Variants in ERP44 observed in about 807,000 individuals in gnomAD.
ERP44 encodes the protein endoplasmic reticulum protein 44, also known as endoplasmic reticulum resident protein 44.
ERP44 carries 25 observed loss-of-function variants against 53.4 expected under a neutral mutation model. The observed-to-expected ratio is 0.47, with a 90% CI of 0.34 to 0.65. ERP44 has a LOEUF of 0.65. Among genes scored for constraint, ERP44 ranks in the 30% least tolerant of loss-of-function variants. The pLI is 0.01. For synonymous variants in ERP44, 145 were observed against 161.2 expected (o/e 0.90, Z 0.76); for missense variants, 338 against 493.2 (o/e 0.69, Z 2.98).
chr9:100,058,461 G>A (rs1235419638), intron 2 of ERP44, among the ~76,000 whole-genome samples: 1 of 152,206 alleles, frequency 6.6e-6, no homozygotes, highest in African/African-American at 2.4e-5. Flanking sequence ...AAAAAGTAAA[G>A]TGGAATGATC....
At chr9:100,040,348 G>A (rs544657373) in intron 4 of ERP44, among the ~76,000 whole-genome samples, 27 of 152,258 alleles carry the variant, frequency 1.8e-4, no homozygotes, top group African/African-American at 6.5e-4. Context: ...GGGATGTAAG[G>A]ATGATGGTTC....
chr9:100,006,773 A>G, intron 9 of ERP44, 126 bp from the exon 10 acceptor site: 1 of 604,224 alleles, frequency 1.7e-6, no homozygotes, highest in Non-Finnish European at 2.7e-6. Context: ...AGTAATATAG[A>G]TCAGAAAAAC....
At chr9:100,003,046 T>A (rs1361477651) in intron 10 of ERP44, among the ~76,000 whole-genome samples, 2 of 152,220 alleles carry the variant, frequency 1.3e-5, no homozygotes, top group African/African-American at 4.8e-5. Context: ...AGGTTTAAAT[T>A]CTTTCTTCTA....
At chr9:99,988,575 G>A (rs553948103) in intron 10 of ERP44, among the ~76,000 whole-genome samples, 4 of 152,270 alleles carry the variant, frequency 2.6e-5, no homozygotes, top group East Asian at 3.9e-4. Context: ...CAAGATGGCC[G>A]AATAGGAAGA....
At chr9:100,083,403 A>C (rs1181391019) in intron 1 of ERP44, among the ~76,000 whole-genome samples, 1 of 152,192 alleles carries the variant, frequency 6.6e-6, no homozygotes, top group Non-Finnish European at 1.5e-5. Flanking sequence ...AGCAAGGTGT[A>C]TATAAAATAG....
intron 8 of ERP44, among the ~76,000 whole-genome samples, chr9:100,014,955 A>G (rs758871843): frequency 9.2e-5 from 14 of 152,184 alleles, no homozygotes; most frequent in Non-Finnish European, 1.8e-4. Flanking sequence ...AGTTCTAGTG[A>G]GAGCTGTCTT....
At chr9:100,048,255 G>A (rs1266718829) in intron 4 of ERP44, among the ~76,000 whole-genome samples, 1 of 151,758 alleles carries the variant, frequency 6.6e-6, no homozygotes, top group East Asian at 1.9e-4. Flanking sequence ...ACACCAACAT[G>A]GCACATTTAT....
At chr9:100,067,317 A>C (rs1826223567) in intron 1 of ERP44, among the ~76,000 whole-genome samples, 1 of 152,166 alleles carries the variant, frequency 6.6e-6, no homozygotes, top group Non-Finnish European at 1.5e-5. Context: ...CAGCCTGCCC[A>C]GTGCCTGCGA....
At chr9:100,004,886 A>G (rs967650454) in intron 10 of ERP44, among the ~76,000 whole-genome samples, 1 of 152,008 alleles carries the variant, frequency 6.6e-6, no homozygotes, top group Non-Finnish European at 1.5e-5. Flanking sequence ...TTCATAATCA[A>G]CTCTTGACTA....
chr9:100,076,655 G>A (rs1564104265), intron 1 of ERP44, among the ~76,000 whole-genome samples: 2 of 152,344 alleles, frequency 1.3e-5, no homozygotes, highest in African/African-American at 4.8e-5. Flanking sequence ...AATGGGGATG[G>A]TCAGTGACTT....
intron 10 of ERP44, among the ~76,000 whole-genome samples, chr9:99,996,397 C>A (rs1830310149): frequency 6.6e-6 from 1 of 152,162 alleles, no homozygotes; most frequent in Admixed American, 6.5e-5. Context: ...AAGCCCTCAC[C>A]AGAAGCTACA....
chr9:100,079,319 A>T (rs559588044), intron 1 of ERP44, among the ~76,000 whole-genome samples: 1 of 151,770 alleles, frequency 6.6e-6, no homozygotes, highest in South Asian at 2.1e-4. Flanking sequence ...CAGCTTTCGC[A>T]CTCAGACTGG....
At chr9:100,041,035 G>A (rs1016427884) in intron 4 of ERP44, among the ~76,000 whole-genome samples, 3 of 152,066 alleles carry the variant, frequency 2.0e-5, no homozygotes. Context: ...CTATGTTTAT[G>A]GATTGGAAGA....
intron 10 of ERP44, among the ~76,000 whole-genome samples, chr9:100,001,074 A>T (rs763361535): frequency 2.0e-5 from 3 of 152,178 alleles, no homozygotes; most frequent in Non-Finnish European, 4.4e-5. Context: ...AAGATAATTT[A>T]AAATTTCCCT....
intron 3 of ERP44, among the ~76,000 whole-genome samples, chr9:100,053,762 C>A (rs567788603): frequency 9.2e-5 from 14 of 152,268 alleles, no homozygotes; most frequent in African/African-American, 3.4e-4. Context: ...GGGGAAGAAT[C>A]AGAATTAGCA....
At chr9:100,018,335 A>T in intron 6 of ERP44, 22 bp from the exon 7 acceptor site, 1 of 1,446,640 alleles carries the variant, frequency 6.9e-7, no homozygotes, top group East Asian at 2.3e-5. Context: ...GAGAAATAGT[A>T]ATAAACCTGA....
intron 4 of ERP44, among the ~76,000 whole-genome samples, chr9:100,033,962 A>C (rs1825824254): frequency 6.6e-6 from 1 of 152,196 alleles, no homozygotes; most frequent in South Asian, 2.1e-4. Flanking sequence ...CTTAGGATTA[A>C]GGGTTCCCTT....
intron 3 of ERP44, among the ~76,000 whole-genome samples, chr9:100,056,500 G>A (rs117641903): frequency 6.6e-6 from 1 of 152,314 alleles, no homozygotes; most frequent in East Asian, 1.9e-4. Flanking sequence ...AAACAATGTA[G>A]TAGAGAGTCA....
At chr9:100,043,966 T>A (rs1353055746) in intron 4 of ERP44, among the ~76,000 whole-genome samples, 1 of 152,210 alleles carries the variant, frequency 6.6e-6, no homozygotes, top group Non-Finnish European at 1.5e-5. Context: ...CATTAAACAT[T>A]ATATACATGT....
Sources: allele counts gnomAD v4.1 joint callset (sites outside exome capture counted in the v4.1 genomes callset), GRCh38; gene constraint gnomAD v4.1.1; transcripts MANE v1.5; gene names NCBI Gene and HGNC (gene_info 2026-07-23, HGNC 2026-07-21).